CLASP2: variants seen among roughly 807,000 people sequenced by gnomAD.
CLASP2 encodes CLIP-associating protein 2.
CLASP2 carries 47 observed loss-of-function variants against 194.4 expected under a neutral mutation model. That is an observed-to-expected ratio of 0.24 (90% CI 0.19 to 0.31). The LOEUF (loss-of-function observed/expected upper bound fraction) is 0.31. CLASP2 is among the 10% of genes least tolerant of loss of function. The pLI is 1.00. For synonymous variants in CLASP2, 619 were observed against 633.5 expected, an observed-to-expected ratio of 0.98 and a Z score of 0.34; for missense variants, 1,445 against 1,823.6, an observed-to-expected ratio of 0.79 and a Z score of 3.78.
chr3:33,561,560 T>C (rs1032911500), intron 27 of CLASP2, among the ~76,000 whole-genome samples: 5 of 152,336 alleles, frequency 3.3e-5, no homozygotes, highest in South Asian at 2.1e-4. Flanking sequence ...CCAAGATGAA[T>C]GTCTACATTT....
At chr3:33,626,517 A>G (rs1475090016) in intron 10 of CLASP2, among the ~76,000 whole-genome samples, 1 of 152,186 alleles carries the variant, frequency 6.6e-6, no homozygotes, top group Non-Finnish European at 1.5e-5. Flanking sequence ...ATGAAATCAC[A>G]GGAGAAATAT....
rs975816271 is a variant in CLASP2, at chr3:33,497,327, A to T, written c.*1304T>A. ...CAAATTCACTTTATATTAGGATTAA[A>T]AAAAAGTAAAGATGAGAAATCATTA... is the stretch of plus-strand genomic sequence containing the variant. On this transcript the variant is annotated 3_prime_UTR_variant, in exon 39 of 39. Coordinates refer to ENST00000682230, the MANE Select transcript of CLASP2 (RefSeq NM_001365631.1). The T allele has an allele frequency of 6.6e-6, 1 of 152,640 alleles. No individual in the cohort carries two copies. Among genetic ancestry groups the T allele is most frequent in the Non-Finnish European group, 1.5e-5 (1 of 68,036 alleles). The allele number at this position is 152,640 out of a possible 1,614,324, so 9.5% of individuals were successfully genotyped here. A position where few individuals can be genotyped will look rare whatever the true frequency, so the allele number is the denominator to read the frequency against.
At chr3:33,652,060 C>A (rs1172829844) in intron 7 of CLASP2, among the ~76,000 whole-genome samples, 2 of 151,580 alleles carry the variant, frequency 1.3e-5, no homozygotes, top group Non-Finnish European at 2.9e-5. Flanking sequence ...AAAGAGCAAG[C>A]CAAAATTTAT....
chr3:33,548,067 T>A (rs2154154468), intron 30 of CLASP2, among the ~76,000 whole-genome samples: 1 of 151,986 alleles, frequency 6.6e-6, no homozygotes, highest in Admixed American at 6.5e-5. Context: ...TGAGCCACCG[T>A]GCCTGGCTTG....
At chr3:33,599,593 C>T (rs893322481) in intron 18 of CLASP2, among the ~76,000 whole-genome samples, 3 of 152,112 alleles carry the variant, frequency 2.0e-5, no homozygotes, top group Non-Finnish European at 4.4e-5. Flanking sequence ...AAGCATATAC[C>T]TCTGGATCCC....
chr3:33,693,517 T>C (rs148985839), intron 2 of CLASP2, among the ~76,000 whole-genome samples: 4 of 152,280 alleles, frequency 2.6e-5, no homozygotes, highest in Non-Finnish European at 5.9e-5. Flanking sequence ...GGACTCTTAG[T>C]CCAGTTCCAT....
At chr3:33,563,998 G>A (rs1360004822) in intron 27 of CLASP2, 3 of 439,762 alleles carry the variant, frequency 6.8e-6, no homozygotes, top group South Asian at 4.9e-5. Flanking sequence ...TCCTAGTCAA[G>A]AAACTTCTTG....
intron 33 of CLASP2, among the ~76,000 whole-genome samples, chr3:33,536,674 A>G (rs2057400840): frequency 6.6e-6 from 1 of 152,148 alleles, no homozygotes; most frequent in Admixed American, 6.5e-5. Flanking sequence ...GGACTATAGG[A>G]GGTCAAGGGC....
At chr3:33,672,137 C>T (rs1358998745) in intron 6 of CLASP2, among the ~76,000 whole-genome samples, 1 of 152,240 alleles carries the variant, frequency 6.6e-6, no homozygotes, top group Admixed American at 6.5e-5. Flanking sequence ...GGCAGACTGC[C>T]TCCTCAAGTG....
At chr3:33,671,839 G>A (rs1035714953) in intron 6 of CLASP2, among the ~76,000 whole-genome samples, 5 of 152,202 alleles carry the variant, frequency 3.3e-5, no homozygotes, top group Non-Finnish European at 7.3e-5. Context: ...CTCACTGATT[G>A]CTAGCACAGC....
intron 18 of CLASP2, chr3:33,602,741 C>A: frequency 1.5e-6 from 1 of 681,188 alleles, no homozygotes; most frequent in South Asian, 1.6e-5. Flanking sequence ...AGAATTGTTT[C>A]TTTGATCAAG....
At chr3:33,590,957 T>C (rs1576880170) in intron 21 of CLASP2, among the ~76,000 whole-genome samples, 1 of 151,718 alleles carries the variant, frequency 6.6e-6, no homozygotes, top group East Asian at 1.9e-4. Flanking sequence ...GAGGCAGGAG[T>C]ATGGCTTGAG....
chr3:33,629,139 G>C (rs994594262), intron 9 of CLASP2, among the ~76,000 whole-genome samples: 1 of 152,140 alleles, frequency 6.6e-6, no homozygotes, highest in African/African-American at 2.4e-5. Flanking sequence ...TTAAGTTACA[G>C]AAATACCAAG....
intron 23 of CLASP2, among the ~76,000 whole-genome samples, chr3:33,579,022 T>C (rs945381167): frequency 6.6e-6 from 1 of 152,102 alleles, no homozygotes; most frequent in Non-Finnish European, 1.5e-5. Context: ...TGTAGGCAAA[T>C]GTAGCAGAGA....
intron 26 of CLASP2, among the ~76,000 whole-genome samples, chr3:33,569,074 C>T (rs1369312696): frequency 6.6e-6 from 1 of 152,044 alleles, no homozygotes; most frequent in African/African-American, 2.4e-5. Context: ...CAAAATCAAA[C>T]AAACAAGATG....
Position 33,581,891 on chromosome 3 carries a change from T to C in CLASP2, c.2277A>G (p.Gln759=), listed in dbSNP as rs1038068771. 3.7e-6 allele frequency: 6 copies of C among 1,613,650 alleles called. No individual in the cohort carries two copies. The African/African-American group carries it at 6.7e-5, about 18-fold the overall frequency. The change falls in exon 23 of 39, where the codon CAA becomes CAG. Residue 759 remains glutamine, a synonymous_variant. Transcript: ENST00000682230. ...CCCGACTAGCTTCCCGGCTGCATCC[T>C]TGACTCACACTTGGTCGAGGAATAC... ...SSRIPRPSVS[Q]GCSREASRES...
chr3:33,503,206 A>C (rs868536293), intron 37 of CLASP2: 1 of 152,134 alleles, frequency 6.6e-6, no homozygotes, highest in South Asian at 2.1e-4. Flanking sequence ...ATAGGAATGT[A>C]ATATTTATGA....
In CLASP2 at chr3:33,676,583, C is replaced by T. The variant is rs2088692628; in HGVS notation, c.644+7776G>A. ...TGGATTAAAGACTTAAACGTTAGAC[C>T]TAAAACCATAAAAACCCTAGAAGAA... is the stretch of plus-strand genomic sequence containing the variant. On this transcript the variant is annotated intron_variant, in intron 6 of 38. Transcript: ENST00000682230. Among the ~76,000 whole-genome samples, 9 of 151,708 alleles carry T rather than the reference C, an allele frequency of 5.9e-5. No homozygotes were observed. In the South Asian group the frequency reaches 1.9e-3, roughly 32 times the overall value.
At chr3:33,543,309 G>GT (rs1297705342) in intron 32 of CLASP2, 124 bp downstream of exon 32, 1 of 630,744 alleles carries the variant, frequency 1.6e-6, no homozygotes, top group African/African-American at 1.8e-5. Context: ...GGAGGTAGAG[G>GT]TTGCAGTGAG....
Sources: gnomAD v4.1 joint callset for allele counts (sites outside exome capture counted in the v4.1 genomes callset) on GRCh38, gnomAD v4.1.1 for gene constraint, MANE v1.5 for transcripts, NCBI Gene and HGNC (gene_info 2026-07-23, HGNC 2026-07-21) for gene names.